ZKSCAN1: variants seen among roughly 807,000 people sequenced by gnomAD.
ZKSCAN1 encodes the protein zinc finger protein with KRAB and SCAN domains 1.
Under a neutral mutation model 51.6 loss-of-function variants are expected in ZKSCAN1, and 14 were observed. The ratio of observed to expected loss-of-function variants is 0.27; its 90% CI spans 0.18 to 0.42. The LOEUF (loss-of-function observed/expected upper bound fraction) is 0.42. Among genes scored for constraint, ZKSCAN1 ranks in the 10% least tolerant of loss-of-function variants. ZKSCAN1 has a pLI of 1.00. For synonymous variants in ZKSCAN1, 263 were observed against 261.5 expected (o/e 1.01, Z -0.06); for missense variants, 531 against 710.0 (o/e 0.75, Z 2.86).
chr7:100,039,323 AAAAAGAAAG>A lies in ZKSCAN1; in HGVS notation c.*5130_*5138del. On this transcript the variant is annotated 3_prime_UTR_variant, in exon 6 of 6. Transcript: ENST00000324306. ...ACTCTGTCTCAAAAAAAGAAAAAAA[AAAAAGAAAG>A]AAAGAAAGAAAATTGGGGATAGGAG... The A allele has an allele frequency of 1.0e-6, 1 of 970,368 alleles. No individual in the cohort carries two copies. The highest frequency in any genetic ancestry group is 1.2e-6 in the Non-Finnish European group (1 of 823,102). The allele number at this position is 970,368 out of a possible 1,614,324, so 60.1% of individuals were successfully genotyped here. A position where few individuals can be genotyped will look rare whatever the true frequency, so the allele number is the denominator to read the frequency against.
At chr7:100,042,990 C>T (rs1791638560), downstream of ZKSCAN1, among the ~76,000 whole-genome samples, 2 of 151,760 alleles carry the variant, frequency 1.3e-5, no homozygotes, top group South Asian at 4.2e-4. Flanking sequence ...TTAGTAGAGA[C>T]GGGGTTTCAT....
intron 3 of ZKSCAN1, among the ~76,000 whole-genome samples, chr7:100,028,811 A>C (rs921806157): frequency 2.0e-5 from 3 of 151,810 alleles, no homozygotes; most frequent in Non-Finnish European, 4.4e-5. Flanking sequence ...AAAAAAAAAA[A>C]ACAGTATTTA....
Position 100,036,175 on chromosome 7 carries a change from A to G in ZKSCAN1, c.*1978A>G, listed in dbSNP as rs946954965. On this transcript the variant is annotated 3_prime_UTR_variant, in exon 6 of 6. Coordinates refer to ENST00000324306, the MANE Select transcript of ZKSCAN1 (RefSeq NM_003439.4). ...TCTCCTTGGCTTTATGACTTAAACC[A>G]ACTACAACTTCCCTATAGCTTCTAA... 1.1e-4 allele frequency: 107 copies of G among 985,354 alleles called. 1 individual carries two copies. In the African/African-American group the frequency reaches 1.7e-3, roughly 16 times the overall value. 61.0% of individuals were successfully genotyped at this position (985,354 alleles called of 1,614,324 possible).
At chr7:100,029,320 C>G (rs577985402) in intron 3 of ZKSCAN1, among the ~76,000 whole-genome samples, 3 of 152,096 alleles carry the variant, frequency 2.0e-5, no homozygotes. Flanking sequence ...GGCTGGAGTG[C>G]GTGATCATAG....
At chr7:100,016,500 G>A (rs1314213732) in intron 1 of ZKSCAN1, among the ~76,000 whole-genome samples, 7 of 152,186 alleles carry the variant, frequency 4.6e-5, no homozygotes, top group Non-Finnish European at 8.8e-5. Flanking sequence ...CTGATTAGCT[G>A]AGTGACCTTG....
chr7:100,030,595 T>C (rs1791063704), intron 5 of ZKSCAN1, among the ~76,000 whole-genome samples: 1 of 152,220 alleles, frequency 6.6e-6, no homozygotes, highest in Non-Finnish European at 1.5e-5. Context: ...TAAGTAGTTT[T>C]TGCTCTTTAA....
Position 100,024,213 on chromosome 7 carries a change from A to T in ZKSCAN1, c.486A>T (p.Pro162=). The T allele has an allele frequency of 1.2e-6, 2 of 1,614,112 alleles. No homozygotes were observed. Among genetic ancestry groups the T allele is most frequent in the East Asian group, 4.5e-5 (2 of 44,884 alleles). ...MLARGMVPLD[P]VQESSSFDLH... ...CAAGGGGGATGGTGCCTCTGGATCC[A>T]GTTCAGGAGTCCTCGAGCTTTGACC... The change falls in exon 3 of 6, where the codon CCA becomes CCT. Residue 162 remains proline (P), a synonymous_variant. Coordinates refer to ENST00000324306, the MANE Select transcript of ZKSCAN1 (RefSeq NM_003439.4).
At chr7:100,021,309 A>G (rs1009742215) in intron 1 of ZKSCAN1, among the ~76,000 whole-genome samples, 1 of 151,234 alleles carries the variant, frequency 6.6e-6, no homozygotes, top group African/African-American at 2.4e-5. Context: ...TTTAGTAGAG[A>G]CGGGGTTTCA....
At chr7:100,017,632 A>G (rs183815460) in intron 1 of ZKSCAN1, among the ~76,000 whole-genome samples, 1 of 152,322 alleles carries the variant, frequency 6.6e-6, no homozygotes, top group African/African-American at 2.4e-5. Context: ...ATTTCTGTTT[A>G]TCCTAGGTGA....
chr7:100,022,786 C>T (rs1225494608), intron 1 of ZKSCAN1, among the ~76,000 whole-genome samples: 1 of 152,132 alleles, frequency 6.6e-6, no homozygotes, highest in African/African-American at 2.4e-5. Flanking sequence ...GAAGATGGTG[C>T]GTGTACTGCT....
downstream of ZKSCAN1, among the ~76,000 whole-genome samples, chr7:100,042,338 A>G (rs9649220): frequency 0.31 from 43,495 of 138,970 alleles, 7,603 homozygotes; most frequent in East Asian, 0.46. Flanking sequence ...AAAAAAAAAA[A>G]GGTGAACTGG....
Position 100,033,698 on chromosome 7 carries a change from T to A in ZKSCAN1, c.1193T>A (p.Ile398Asn), listed in dbSNP as rs1397637279. 1.2e-6 allele frequency: 2 copies of A among 1,614,054 alleles called. No homozygotes were observed. The highest frequency in any genetic ancestry group is 1.7e-6 in the Non-Finnish European group (2 of 1,180,040). The part of the protein sequence containing the change: ...RSSSLIRHKI[I>N]HTGEKPYECS... ...TCAAGCCTTATCCGCCATAAAATAA[T>A]CCACACTGGAGAAAAGCCCTATGAA... The change falls in exon 6 of 6, where the codon ATC becomes AAC. Residue 398 changes from isoleucine to asparagine, a missense_variant. By Grantham distance (149) the Ile-to-Asn change is moderately radical. Transcript: ENST00000324306. This position sits in a 1 kb window ranked among gnomAD's most constrained non-coding sequence, Gnocchi z 4.1.
chr7:100,018,131 C>T (rs1372095800), intron 1 of ZKSCAN1, among the ~76,000 whole-genome samples: 1 of 152,118 alleles, frequency 6.6e-6, no homozygotes, highest in East Asian at 1.9e-4. Flanking sequence ...GTTGACTTGC[C>T]TAAGGCCGTC....
At position 100,037,984 on chromosome 7, in the gene ZKSCAN1, G is replaced by A. The variant is rs1718064030; in HGVS notation, c.*3787G>A. On this transcript the variant is annotated 3_prime_UTR_variant, in exon 6 of 6. Transcript: ENST00000324306. ...GCAGTGAGCTAAGATCATGCCACTG[G>A]CACTCCAGCCTTGAGTGACAGAGCG... 1 of 968,876 alleles carries A rather than the reference G, an allele frequency of 1.0e-6. No homozygotes were observed. Among genetic ancestry groups the A allele is most frequent in the Non-Finnish European group, 1.2e-6 (1 of 815,154 alleles). The allele number at this position is 968,876 out of a possible 1,614,324, so 60.0% of individuals were successfully genotyped here.
In ZKSCAN1 at chr7:100,038,163, T is replaced by C. The variant is rs1791444512; in HGVS notation, c.*3966T>C. ...GTTAACGTTAGGTACTTCTATATAT[T>C]TTATATGACCATAATGTCCGTGTGT... On this transcript the variant is annotated 3_prime_UTR_variant, in exon 6 of 6. Coordinates refer to ENST00000324306, the MANE Select transcript of ZKSCAN1 (RefSeq NM_003439.4). The C allele has an allele frequency of 1.0e-6, 1 of 985,306 alleles. No homozygotes were observed. Among genetic ancestry groups the C allele is most frequent in the South Asian group, 4.7e-5 (1 of 21,292 alleles). The allele number at this position is 985,306 out of a possible 1,614,324, so 61.0% of individuals were successfully genotyped here. A position where few individuals can be genotyped will look rare whatever the true frequency, so the allele number is the denominator to read the frequency against.
Position 100,040,659 on chromosome 7 carries a change from G to A in ZKSCAN1, c.*6462G>A. 1 of 985,478 alleles carries A rather than the reference G, an allele frequency of 1.0e-6. No individual in the cohort carries two copies. 61.0% of individuals were successfully genotyped at this position (985,478 alleles called of 1,614,324 possible). A position where few individuals can be genotyped will look rare whatever the true frequency, so the allele number is the denominator to read the frequency against. ...AAGTGCAGTATGGAAGGAGAAGGGG[G>A]AAGAGGACGGTAACGGCCCCACACT... is the stretch of plus-strand genomic sequence containing the variant. On this transcript the variant is annotated 3_prime_UTR_variant, in exon 6 of 6. Transcript: ENST00000324306.
chr7:100,029,932 C>G lies in ZKSCAN1; in HGVS notation c.652C>G (p.Leu218Val). The G allele has an allele frequency of 6.2e-7, 1 of 1,614,188 alleles. No homozygotes were observed. Among genetic ancestry groups the G allele is most frequent in the Non-Finnish European group, 8.5e-7 (1 of 1,180,018 alleles). ...CAGAGACCAGGCGATGGCATCTGCACTATTCACAGCGGATTCCCAGGTGAG... is the reference window on the plus strand; with the variant it reads ...CAGAGACCAGGCGATGGCATCTGCAGTATTCACAGCGGATTCCCAGGTGAG... Reference protein sequence around the residue: ...SPRDQAMASALFTADSQAMVK... With the variant: ...SPRDQAMASAVFTADSQAMVK... Residue 218 changes from leucine (L) to valine (V), a missense_variant, in exon 4 of 6, where the codon CTA (leucine) becomes GTA (valine). By Grantham distance (32) the Leu-to-Val change is conservative. Around this residue, in one of 2 missense-constraint regions of ZKSCAN1, gnomAD observed 403 missense variants for 490.5 expected, o/e 0.82. Transcript: ENST00000324306.
intron 1 of ZKSCAN1, among the ~76,000 whole-genome samples, chr7:100,017,833 T>A (rs1790434305): frequency 6.6e-6 from 1 of 152,196 alleles, no homozygotes. Context: ...TGCCACTTAC[T>A]TGTGGGAGAC....
chr7:100,023,949 C>T lies in ZKSCAN1; in HGVS notation c.426+17C>T, dbSNP rs749462172. On this transcript the variant is annotated intron_variant, in intron 2 of 5. Coordinates refer to ENST00000324306, the MANE Select transcript of ZKSCAN1 (RefSeq NM_003439.4). The stretch of plus-strand genomic sequence containing the variant: ...GGACAACAGGTAAAAAGAGGTGAAA[C>T]CTATTATGTGTGAGCAGGGCACAGA... 6.4e-7 allele frequency: 1 copy of T among 1,560,346 alleles called. No homozygotes were observed. The highest frequency in any genetic ancestry group is 8.6e-7 in the Non-Finnish European group (1 of 1,160,296).
Sources: allele counts gnomAD v4.1 joint callset (sites outside exome capture counted in the v4.1 genomes callset), GRCh38; gene constraint gnomAD v4.1.1; regional missense constraint gnomAD v4.1.1; non-coding constraint Gnocchi (gnomAD v3.1); transcripts MANE v1.5; gene names NCBI Gene and HGNC (gene_info 2026-07-23, HGNC 2026-07-21).